CFAP74: variants seen among roughly 807,000 people sequenced by gnomAD.
CFAP74 encodes the protein cilia and flagella associated protein 74, also known as cilia- and flagella-associated protein 74.
A neutral mutation model predicts 188.9 loss-of-function variants in CFAP74; 124 were observed. The observed-to-expected ratio is 0.66, with a 90% CI of 0.57 to 0.76. CFAP74 has a LOEUF of 0.76. CFAP74 is among the 30% of genes least tolerant of loss of function. The pLI is 0.00. For synonymous variants in CFAP74, 956 were observed against 916.7 expected, an observed-to-expected ratio of 1.04 and a Z score of -0.77; for missense variants, 2,198 against 2,165.2, an observed-to-expected ratio of 1.02 and a Z score of -0.30.
At position 1,928,821 on chromosome 1, in the gene CFAP74, G is replaced by A; in HGVS notation, c.3350C>T (p.Ala1117Val). The change falls in exon 27 of 39, where the codon GCC (alanine) becomes GTC (valine). Residue 1117 changes from alanine to valine, a missense_variant. Coordinates refer to ENST00000682832, the MANE Select transcript of CFAP74 (RefSeq NM_001304360.2). The part of the protein sequence containing the change: ...VLPEKLIRQE[A>V]LPLLNKEMET... ...CATTTCTTTGTTCAGGAGTGGGAGG[G>A]CTTCCTGGCGGATCAGCTTCTCGGG... 1.3e-6 allele frequency: 2 copies of A among 1,535,684 alleles called. No individual in the cohort carries two copies. The highest frequency in any genetic ancestry group is 1.7e-6 in the Non-Finnish European group (2 of 1,146,748).
intron 10 of CFAP74, among the ~76,000 whole-genome samples, chr1:1,970,407 G>A (rs374556625): frequency 1.3e-4 from 20 of 152,186 alleles, no homozygotes; most frequent in East Asian, 3.9e-4. Context: ...GGGTTTCAGC[G>A]TCTGGGAGGG....
Position 1,946,329 on chromosome 1 carries a change from G to C in CFAP74, c.2352C>G (p.Pro784=). The C allele has an allele frequency of 6.5e-7, 1 of 1,536,164 alleles. No individual in the cohort carries two copies. The highest frequency in any genetic ancestry group is 2.0e-5 in the Admixed American group (1 of 50,950). The change falls in exon 20 of 39, where the codon CCC becomes CCG. Residue 784 remains proline, a synonymous_variant. Coordinates refer to ENST00000682832, the MANE Select transcript of CFAP74 (RefSeq NM_001304360.2). ...QARFKVTFKN[P]QCPTLHFRVV... ...CAGGAATACTCACCGTGGGGCACTGGGGGTTCTTAAACGTGACTTTGAACC... is the reference window on the plus strand; with the variant it reads ...CAGGAATACTCACCGTGGGGCACTGCGGGTTCTTAAACGTGACTTTGAACC...
intron 32 of CFAP74, 91 bp downstream of exon 32, chr1:1,926,137 G>A: frequency 1.4e-6 from 2 of 1,449,140 alleles, no homozygotes; most frequent in Non-Finnish European, 1.8e-6. Context: ...CCAGGCCTGA[G>A]CACAGGTGAT....
intron 6 of CFAP74, among the ~76,000 whole-genome samples, chr1:1,974,998 C>T (rs1436526935): frequency 4.6e-5 from 7 of 152,334 alleles, no homozygotes; most frequent in Admixed American, 2.6e-4. Context: ...CCCAGAGATG[C>T]GGCTCAGGCC....
rs150536045 is a variant in CFAP74, at chr1:1,993,800, A to G, written c.-19-2825T>C. Among the ~76,000 whole-genome samples, 314 of 34,582 alleles carry G rather than the reference A, an allele frequency of 9.1e-3. 1 individual carries two copies. The highest frequency in any genetic ancestry group is 0.027 in the South Asian group (29 of 1,094). The allele number at this position is 34,582 out of a possible 152,430, so 22.7% of individuals were successfully genotyped here. ...GATCGAGACCATCCTGGCTAACACAATGAAACCCCACCTCTACTAAAAATA... is the reference window on the plus strand; with the variant it reads ...GATCGAGACCATCCTGGCTAACACAGTGAAACCCCACCTCTACTAAAAATA... On this transcript the variant is annotated intron_variant, in intron 1 of 38. Transcript: ENST00000682832.
At chr1:1,978,441 G>A (rs374472349) in intron 6 of CFAP74, among the ~76,000 whole-genome samples, 123 of 152,250 alleles carry the variant, frequency 8.1e-4, no homozygotes, top group East Asian at 6.2e-3. Flanking sequence ...GGTTTGGGGC[G>A]GTGGTTAATT....
intron 6 of CFAP74, among the ~76,000 whole-genome samples, chr1:1,977,593 G>T (rs540013626): frequency 2.0e-5 from 3 of 152,318 alleles, no homozygotes; most frequent in African/African-American, 7.2e-5. Flanking sequence ...AGCAGGACGT[G>T]GGGGAAGGTG....
intron 18 of CFAP74, among the ~76,000 whole-genome samples, chr1:1,951,306 C>A (rs79051250): frequency 6.6e-6 from 1 of 152,114 alleles, no homozygotes; most frequent in Non-Finnish European, 1.5e-5. Flanking sequence ...TCTCTCCACA[C>A]GTGGGGATTA....
intron 25 of CFAP74, among the ~76,000 whole-genome samples, chr1:1,933,776 G>A (rs540454063): frequency 8.1e-4 from 124 of 152,206 alleles, no homozygotes; most frequent in African/African-American, 2.4e-3. Flanking sequence ...TTTCTATTTC[G>A]TTGACTTCCA....
chr1:1,974,830 G>A (rs1283379670), intron 6 of CFAP74, among the ~76,000 whole-genome samples: 7 of 152,242 alleles, frequency 4.6e-5, no homozygotes, highest in East Asian at 3.8e-4. Context: ...GGAGGAGTGC[G>A]TGTGCTGTGG....
intron 21 of CFAP74, among the ~76,000 whole-genome samples, chr1:1,943,913 C>A (rs576571159): frequency 6.6e-6 from 1 of 152,278 alleles, no homozygotes; most frequent in South Asian, 2.1e-4. Flanking sequence ...GCAGTGTCCC[C>A]GGGCTCGGGG....
intron 6 of CFAP74, among the ~76,000 whole-genome samples, chr1:1,983,489 C>T (rs1461510981): frequency 6.6e-6 from 1 of 152,216 alleles, no homozygotes; most frequent in Non-Finnish European, 1.5e-5. Context: ...CCCTGGCCTG[C>T]AATCCTCAGA....
chr1:1,943,066 C>T (rs911181528), intron 21 of CFAP74, among the ~76,000 whole-genome samples: 1 of 152,230 alleles, frequency 6.6e-6, no homozygotes, highest in Non-Finnish European at 1.5e-5. Context: ...TCAGAGACCG[C>T]GCCCTCCCCG....
chr1:1,935,200 C>T (rs116013429), intron 25 of CFAP74, among the ~76,000 whole-genome samples: 1,568 of 64,274 alleles, frequency 0.024, 473 homozygotes, highest in African/African-American at 0.083. Flanking sequence ...TGGGTACACA[C>T]GTGTACGTGG....
intron 25 of CFAP74, among the ~76,000 whole-genome samples, chr1:1,931,567 G>A (rs373024457): frequency 1.7e-5 from 2 of 120,234 alleles, no homozygotes; most frequent in Non-Finnish European, 3.6e-5. Flanking sequence ...AAACCCCGTC[G>A]CTACTAAAAA....
At chr1:1,990,617 C>T (rs1323821773) in intron 2 of CFAP74, among the ~76,000 whole-genome samples, 3 of 152,136 alleles carry the variant, frequency 2.0e-5, no homozygotes, top group Non-Finnish European at 4.4e-5. Flanking sequence ...AAAAATAGGT[C>T]ACATTCAAAG....
In CFAP74 at chr1:1,975,058, G is replaced by A. The variant is rs567755218; in HGVS notation, c.501-860C>T. The stretch of plus-strand genomic sequence containing the variant: ...ACCCTGGACAAGGTCAGACGCAGGC[G>A]TTGAGCCGGCATCCTCACTGCATTG... On this transcript the variant is annotated intron_variant, in intron 6 of 38. Coordinates refer to ENST00000682832, the MANE Select transcript of CFAP74 (RefSeq NM_001304360.2). The surrounding 1 kb of genome is among the most constrained non-coding windows in gnomAD (Gnocchi z 4.5). Among the ~76,000 whole-genome samples the A allele has an allele frequency of 7.9e-5, 12 of 152,246 alleles. No homozygotes were observed. Among genetic ancestry groups the A allele is most frequent in the Admixed American group, 2.0e-4 (3 of 15,288 alleles).
intron 1 of CFAP74, among the ~76,000 whole-genome samples, chr1:1,998,165 C>T (rs536059691): frequency 6.5e-4 from 99 of 152,210 alleles, no homozygotes; most frequent in Middle Eastern, 6.8e-3. Flanking sequence ...GTAATCCCAG[C>T]TACTTCGGAG....
In CFAP74 at chr1:1,939,073, G is replaced by C. The variant is rs547771108; in HGVS notation, c.2878-85C>G. 3.6e-6 allele frequency: 5 copies of C among 1,372,676 alleles called. No individual in the cohort carries two copies. In the South Asian group the frequency reaches 5.3e-5, roughly 14 times the overall value. 85.0% of individuals were successfully genotyped at this position (1,372,676 alleles called of 1,614,324 possible). ...GGCAGGGCCGTGAGTGTGAGAGTAAGAGATGAGTGTGATCGTGTGTGAGCG... is the reference window on the plus strand; with the variant it reads ...GGCAGGGCCGTGAGTGTGAGAGTAACAGATGAGTGTGATCGTGTGTGAGCG... On this transcript the variant is annotated intron_variant, in intron 24 of 38. Coordinates refer to ENST00000682832, the MANE Select transcript of CFAP74 (RefSeq NM_001304360.2).
Sources: gnomAD v4.1 joint callset for allele counts (sites outside exome capture counted in the v4.1 genomes callset) on GRCh38, gnomAD v4.1.1 for gene constraint, Gnocchi (gnomAD v3.1) non-coding constraint, MANE v1.5 for transcripts, NCBI Gene and HGNC (gene_info 2026-07-23, HGNC 2026-07-21) for gene names.